The following RFX4 variants were observed in gnomAD, a reference collection of about 807,000 sequenced individuals.
RFX4 encodes regulatory factor X4.
RFX4 carries 10 observed loss-of-function variants against 95.0 expected under a neutral mutation model. That is an observed-to-expected ratio of 0.11 (90% CI 0.06 to 0.18). The LOEUF is 0.18. Ranked by LOEUF, RFX4 falls within the 10% of genes least tolerant of loss-of-function variation. The pLI is 1.00. For missense variants in RFX4, 640 were observed against 922.0 expected (o/e 0.69, Z 3.96); for synonymous variants, 321 against 340.7 (o/e 0.94, Z 0.64).
intron 5 of RFX4, among the ~76,000 whole-genome samples, chr12:106,686,248 TA>T (rs1286314058): frequency 1.3e-5 from 2 of 151,850 alleles, no homozygotes; most frequent in Non-Finnish European, 2.9e-5. Flanking sequence ...CCATCTCTAC[TA>T]AAAATACAAA....
At chr12:106,722,694 T>C (rs1172209994) in intron 13 of RFX4, among the ~76,000 whole-genome samples, 1 of 152,174 alleles carries the variant, frequency 6.6e-6, no homozygotes, top group East Asian at 1.9e-4. Context: ...CCTGAGTGGG[T>C]TGAAATAATA....
chr12:106,676,126 G>A (rs576692503), intron 4 of RFX4, among the ~76,000 whole-genome samples: 34 of 152,182 alleles, frequency 2.2e-4, no homozygotes, highest in Non-Finnish European at 3.5e-4. Flanking sequence ...CAGGTTGGAA[G>A]TGGCACATAC....
chr12:106,750,887 G>A, intron 17 of RFX4, 94 bp downstream of exon 17: 13 of 1,101,474 alleles, frequency 1.2e-5, no homozygotes, highest in African/African-American at 1.6e-5. Context: ...CATACTGTGT[G>A]TGCAGCGTGT....
At chr12:106,749,257 C>CAAAAAA (rs1162244017) in intron 16 of RFX4, among the ~76,000 whole-genome samples, 2 of 49,238 alleles carry the variant, frequency 4.1e-5, no homozygotes, top group Non-Finnish European at 9.2e-5. Context: ...TACTCCAACT[C>CAAAAAA]AAAAAAAAAA....
Position 106,761,613 on chromosome 12 carries a change from G to T in RFX4, c.*144G>T. The T allele has an allele frequency of 8.4e-6, 4 of 475,990 alleles. No individual in the cohort carries two copies. The highest frequency in any genetic ancestry group is 1.2e-5 in the Non-Finnish European group (4 of 326,534). 29.5% of individuals were successfully genotyped at this position (475,990 alleles called of 1,614,324 possible). The stretch of plus-strand genomic sequence containing the variant: ...AAGTGCCCATTTTCCTAATGAACAT[G>T]AGGATGGGATCAATGTGGGATGAAT... On this transcript the variant is annotated 3_prime_UTR_variant, in exon 18 of 18. Coordinates refer to ENST00000392842, the MANE Select transcript of RFX4 (RefSeq NM_213594.3).
At chr12:106,588,329 A>T (rs2039493231) in intron 1 of RFX4, among the ~76,000 whole-genome samples, 1 of 152,204 alleles carries the variant, frequency 6.6e-6, no homozygotes. Flanking sequence ...ACTAAAAGAC[A>T]CTAGACTTTA....
At chr12:106,616,783 C>T (rs990495922) in intron 2 of RFX4, among the ~76,000 whole-genome samples, 6 of 152,022 alleles carry the variant, frequency 3.9e-5, no homozygotes, top group Non-Finnish European at 8.8e-5. Flanking sequence ...TTTTTTGAGA[C>T]GGAGTCTCAT....
chr12:106,639,245 C>A, intron 2 of RFX4, 87 bp from the exon 3 acceptor site: 1 of 1,132,248 alleles, frequency 8.8e-7, no homozygotes, highest in Non-Finnish European at 1.3e-6. Context: ...GAAACATAGT[C>A]TTTTGAAACT....
At position 106,757,288 on chromosome 12, in the gene RFX4, T is replaced by C. The variant is rs556584864; in HGVS notation, c.1936-3909T>C. On this transcript the variant is annotated intron_variant, in intron 17 of 17. Coordinates refer to ENST00000392842, the MANE Select transcript of RFX4 (RefSeq NM_213594.3). ...TGGCTCACACTTGTAATCCCAACAC[T>C]TGGGGAGGCTGGAAGCCCAGGAGTT... is the stretch of plus-strand genomic sequence containing the variant. 6.2e-4 allele frequency among the ~76,000 whole-genome samples: 94 copies of C among 152,276 alleles called. 1 individual carries two copies. In the South Asian group the frequency reaches 0.019, roughly 31 times the overall value.
chr12:106,643,161 C>A lies in RFX4; in HGVS notation c.191+3769C>A, dbSNP rs550031302. ...GGGTGGGGGTGTAACTTGGGAGAGGCGGTTGCCTTCATGTTTTGCTGAGGA... is the reference window on the plus strand; with the variant it reads ...GGGTGGGGGTGTAACTTGGGAGAGGAGGTTGCCTTCATGTTTTGCTGAGGA... On this transcript the variant is annotated intron_variant, in intron 3 of 17. Coordinates refer to ENST00000392842, the MANE Select transcript of RFX4 (RefSeq NM_213594.3). Among the ~76,000 whole-genome samples the A allele has an allele frequency of 9.9e-5, 15 of 152,276 alleles. No individual in the cohort carries two copies. The East Asian group carries it at 1.5e-3, about 16-fold the overall frequency.
intron 4 of RFX4, among the ~76,000 whole-genome samples, chr12:106,664,144 C>T (rs560701080): frequency 6.6e-6 from 1 of 151,932 alleles, no homozygotes; most frequent in South Asian, 2.1e-4. Flanking sequence ...AAAATTTCTT[C>T]TATAAATGTT....
chr12:106,758,571 C>T (rs984554027), intron 17 of RFX4, among the ~76,000 whole-genome samples: 2 of 152,182 alleles, frequency 1.3e-5, no homozygotes, highest in African/African-American at 4.8e-5. Flanking sequence ...ATTTTACCTA[C>T]ATGAGCCAAG....
intron 15 of RFX4, chr12:106,733,404 G>A (rs906704866): frequency 1.9e-5 from 5 of 256,634 alleles, no homozygotes; most frequent in African/African-American, 1.1e-4. Flanking sequence ...TATCTTCCTG[G>A]ATTTGTGAAT....
chr12:106,635,613 C>A (rs890292103), intron 2 of RFX4, among the ~76,000 whole-genome samples: 3 of 152,086 alleles, frequency 2.0e-5, no homozygotes, highest in African/African-American at 7.2e-5. Flanking sequence ...ATGCCCGGTC[C>A]CATGTTTTTC....
At chr12:106,660,078 C>A (rs941091246) in intron 4 of RFX4, among the ~76,000 whole-genome samples, 12 of 152,062 alleles carry the variant, frequency 7.9e-5, no homozygotes, top group Non-Finnish European at 1.5e-4. Context: ...GTACTGAGTA[C>A]TAACTCCCTC....
intron 2 of RFX4, among the ~76,000 whole-genome samples, chr12:106,628,545 T>G (rs2040350698): frequency 6.6e-6 from 1 of 152,146 alleles, no homozygotes. Flanking sequence ...TCTTTTTAAT[T>G]TGTTCATGCT....
intron 5 of RFX4, chr12:106,683,488 A>AAAAC (rs1555230806): frequency 6.7e-6 from 1 of 149,460 alleles, no homozygotes; most frequent in East Asian, 1.9e-4. Flanking sequence ...AAAAAAAAAA[A>AAAAC]AAAAAAAACA....
chr12:106,584,905 G>A (rs1370870878), intron 1 of RFX4, among the ~76,000 whole-genome samples: 4 of 152,208 alleles, frequency 2.6e-5, no homozygotes, highest in African/African-American at 9.6e-5. Context: ...ACAAACGAAG[G>A]CAAGGAGAAG....
At chr12:106,675,677 G>A (rs528307739) in intron 4 of RFX4, among the ~76,000 whole-genome samples, 1 of 152,256 alleles carries the variant, frequency 6.6e-6, no homozygotes, top group East Asian at 1.9e-4. Context: ...CACCCAACAA[G>A]TGGCCCAGGG....
Sources: allele counts gnomAD v4.1 joint callset (sites outside exome capture counted in the v4.1 genomes callset), GRCh38; gene constraint gnomAD v4.1.1; transcripts MANE v1.5; gene names NCBI Gene and HGNC (gene_info 2026-07-23, HGNC 2026-07-21).